The following NTSR1 variants were observed in gnomAD, a reference collection of about 807,000 sequenced individuals.
The protein encoded by NTSR1 is neurotensin receptor type 1.
A neutral mutation model predicts 31.2 loss-of-function variants in NTSR1; 29 were observed. The observed-to-expected ratio is 0.93, with a 90% CI of 0.69 to 1.27. The LOEUF (loss-of-function observed/expected upper bound fraction) is 1.27, where lower values mean the gene tolerates loss of function less well. NTSR1 is among the 50% of genes most tolerant of loss of function. NTSR1 has a pLI of 0.00. For missense variants in NTSR1, 697 were observed against 595.4 expected (o/e 1.17, Z -1.78); for synonymous variants, 282 against 269.9 (o/e 1.04, Z -0.44).
chr20:62,732,118 T>G lies in NTSR1; in HGVS notation c.714+22197T>G, dbSNP rs1457351988. ...CTGGGCGACAGAGTGAGACTCCATT[T>G]CAAAAAAAAAAAAAAAATTACACTG... On this transcript the variant is annotated intron_variant, in intron 1 of 3. Coordinates refer to ENST00000370501, the MANE Select transcript of NTSR1 (RefSeq NM_002531.3). This position sits in a 1 kb window ranked among gnomAD's most constrained non-coding sequence, Gnocchi z 4.0. 3.2e-5 allele frequency among the ~76,000 whole-genome samples: 1 copy of G among 31,018 alleles called. No individual in the cohort carries two copies. Among genetic ancestry groups the G allele is most frequent in the African/African-American group, 8.6e-5 (1 of 11,642 alleles). The allele number at this position is 31,018 out of a possible 152,430, so 20.3% of individuals were successfully genotyped here.
chr20:62,721,206 C>CTTTTAACTTTCAT (rs1249153562), intron 1 of NTSR1, among the ~76,000 whole-genome samples: 15 of 152,132 alleles, frequency 9.9e-5, no homozygotes, highest in African/African-American at 3.6e-4. Flanking sequence ...TTCTTTTTGT[C>CTTTTAACTTTCAT]TTTTAAGAAC....
chr20:62,758,144 T>C lies in NTSR1; in HGVS notation c.917-122T>C. 2.0e-6 allele frequency: 2 copies of C among 1,009,930 alleles called. No individual in the cohort carries two copies. Among genetic ancestry groups the C allele is most frequent in the Non-Finnish European group, 1.5e-6 (1 of 662,758 alleles). 62.6% of individuals were successfully genotyped at this position (1,009,930 alleles called of 1,614,324 possible). A position where few individuals can be genotyped will look rare whatever the true frequency, so the allele number is the denominator to read the frequency against. On this transcript the variant is annotated intron_variant, in intron 2 of 3. Coordinates refer to ENST00000370501, the MANE Select transcript of NTSR1 (RefSeq NM_002531.3). The surrounding 1 kb of genome is among the most constrained non-coding windows in gnomAD (Gnocchi z 4.5). ...GTGGGTCTCTGAGCCCACGTCTCTG[T>C]GCCTCAGGTGCAGTGGGTCTCTGAG...
intron 1 of NTSR1, among the ~76,000 whole-genome samples, chr20:62,734,684 G>C (rs1225822745): frequency 1.3e-5 from 2 of 152,192 alleles, no homozygotes; most frequent in Non-Finnish European, 2.9e-5. Flanking sequence ...AGACATGGCT[G>C]GTCTGAGTGA....
chr20:62,709,879 C>T lies in NTSR1; in HGVS notation c.672C>T (p.Cys224=), dbSNP rs1197246057. The change falls in exon 1 of 4, where the codon TGC becomes TGT. Residue 224 remains cysteine, a synonymous_variant. Transcript: ENST00000370501. ...GCCAGCACGCCGGCGGCCTGGTGTG[C>T]ACCCCCACCATCCACACTGCCACCG... ...ADGQHAGGLV[C]TPTIHTATVK... 2 of 1,603,554 alleles carry T rather than the reference C, an allele frequency of 1.2e-6. No homozygotes were observed. The highest frequency in any genetic ancestry group is 1.1e-5 in the South Asian group (1 of 90,658).
chr20:62,740,993 A>C (rs769141810), intron 1 of NTSR1, among the ~76,000 whole-genome samples: 1 of 152,090 alleles, frequency 6.6e-6, no homozygotes, highest in Non-Finnish European at 1.5e-5. Context: ...AATGGGGCAC[A>C]CTGGGGTTCT....
intron 1 of NTSR1, among the ~76,000 whole-genome samples, chr20:62,727,947 C>T (rs1988937276): frequency 6.6e-6 from 1 of 152,256 alleles, no homozygotes; most frequent in South Asian, 2.1e-4. Context: ...ACTCACTCAC[C>T]TCCTGTCACA....
Position 62,743,527 on chromosome 20 carries a change from C to T in NTSR1, c.715-11158C>T, listed in dbSNP as rs1365178744. Among the ~76,000 whole-genome samples, 2 of 152,154 alleles carry T rather than the reference C, an allele frequency of 1.3e-5. No individual in the cohort carries two copies. The highest frequency in any genetic ancestry group is 2.9e-5 in the Non-Finnish European group (2 of 68,026). On this transcript the variant is annotated intron_variant, in intron 1 of 3. Coordinates refer to ENST00000370501, the MANE Select transcript of NTSR1 (RefSeq NM_002531.3). This position sits in a 1 kb window ranked among gnomAD's most constrained non-coding sequence, Gnocchi z 7.5. Reference sequence around the variant, plus strand: ...GCTGGTCATCTGCTCAGGGAGAGGGCGATCCCCTGCCAGCCCAGCAAGGCC... The same window carrying T: ...GCTGGTCATCTGCTCAGGGAGAGGGTGATCCCCTGCCAGCCCAGCAAGGCC...
At chr20:62,729,035 G>A (rs1988958679) in intron 1 of NTSR1, among the ~76,000 whole-genome samples, 1 of 152,224 alleles carries the variant, frequency 6.6e-6, no homozygotes, top group African/African-American at 2.4e-5. Flanking sequence ...TGGATGTCCA[G>A]TCCTCGGTCT....
At position 62,742,893 on chromosome 20, in the gene NTSR1, G is replaced by A. The variant is rs1989229150; in HGVS notation, c.715-11792G>A. 6.7e-6 allele frequency among the ~76,000 whole-genome samples: 1 copy of A among 149,676 alleles called. No homozygotes were observed. The highest frequency in any genetic ancestry group is 1.5e-5 in the Non-Finnish European group (1 of 68,024). ...GTGAGGTGGTCACAGTGGCTCTGGT[G>A]TGGCCGTGGGGTTCCTGTTCATCCC... On this transcript the variant is annotated intron_variant, in intron 1 of 3. Transcript: ENST00000370501. This position sits in a 1 kb window ranked among gnomAD's most constrained non-coding sequence, Gnocchi z 7.1.
At chr20:62,731,421 A>G (rs1221118656) in intron 1 of NTSR1, among the ~76,000 whole-genome samples, 2 of 151,830 alleles carry the variant, frequency 1.3e-5, no homozygotes, top group Non-Finnish European at 2.9e-5. Flanking sequence ...CAGCTTATTC[A>G]TTTTTTTTGT....
chr20:62,709,372 C>T lies in NTSR1; in HGVS notation c.165C>T (p.Asp55=). Residue 55 remains aspartate, a synonymous_variant, in exon 1 of 4, where the codon GAC becomes GAT. Coordinates refer to ENST00000370501, the MANE Select transcript of NTSR1 (RefSeq NM_002531.3). The part of the protein sequence containing the change: ...RVLAAPSSEL[D]VNTDIYSKVL... The stretch of plus-strand genomic sequence containing the variant: ...TGGCGGCACCCAGCAGCGAGCTGGA[C>T]GTGAACACCGACATCTACTCCAAGG... 6.2e-7 allele frequency: 1 copy of T among 1,608,878 alleles called. No homozygotes were observed. Among genetic ancestry groups the T allele is most frequent in the Non-Finnish European group, 8.5e-7 (1 of 1,177,366 alleles).
At chr20:62,737,564 GC>G (rs2147140975) in intron 1 of NTSR1, among the ~76,000 whole-genome samples, 1 of 152,246 alleles carries the variant, frequency 6.6e-6, no homozygotes, top group African/African-American at 2.4e-5. Flanking sequence ...ACTTAAACGA[GC>G]CCTCTGTGGC....
At chr20:62,723,285 C>T (rs1390743324) in intron 1 of NTSR1, among the ~76,000 whole-genome samples, 1 of 152,216 alleles carries the variant, frequency 6.6e-6, no homozygotes, top group Non-Finnish European at 1.5e-5. Context: ...TAACTGCTCA[C>T]AACAGCCGTG....
Position 62,743,471 on chromosome 20 carries a change from A to G in NTSR1, c.715-11214A>G, listed in dbSNP as rs16983209. ...CTGGAGTCTGTCTGGGAGGTTAGAAAAGACCGTCCGTGAGCCTGGGCCCTG... is the reference window on the plus strand; with the variant it reads ...CTGGAGTCTGTCTGGGAGGTTAGAAGAGACCGTCCGTGAGCCTGGGCCCTG... On this transcript the variant is annotated intron_variant, in intron 1 of 3. Transcript: ENST00000370501. This position sits in a 1 kb window ranked among gnomAD's most constrained non-coding sequence, Gnocchi z 7.5. Among the ~76,000 whole-genome samples, 21,742 of 151,938 alleles carry G rather than the reference A, an allele frequency of 0.14. 3,240 individuals carry two copies. Among genetic ancestry groups the G allele is most frequent in the African/African-American group, 0.36 (14,801 of 41,348 alleles).
Position 62,741,003 on chromosome 20 carries a change from T to C in NTSR1, c.715-13682T>C, listed in dbSNP as rs532576413. 2.1e-3 allele frequency among the ~76,000 whole-genome samples: 318 copies of C among 152,142 alleles called. 1 individual carries two copies. The highest frequency in any genetic ancestry group is 3.3e-3 in the Non-Finnish European group (227 of 67,958). On this transcript the variant is annotated intron_variant, in intron 1 of 3. Transcript: ENST00000370501. This position sits in a 1 kb window ranked among gnomAD's most constrained non-coding sequence, Gnocchi z 4.3. ...TGACTAATGGGGCACACTGGGGTTCTGGGCCCCGGCCAGGCTCAGCGAGGG... is the reference window on the plus strand; with the variant it reads ...TGACTAATGGGGCACACTGGGGTTCCGGGCCCCGGCCAGGCTCAGCGAGGG...
chr20:62,760,321 CGACA>C lies in NTSR1; in HGVS notation c.*61_*64del. On this transcript the variant is annotated 3_prime_UTR_variant, in exon 4 of 4. Coordinates refer to ENST00000370501, the MANE Select transcript of NTSR1 (RefSeq NM_002531.3). ...GAGCCTGGCCATGGGTCCTTGCCCC[CGACA>C]GACAGAGCAGCCCCCACCCGGGAGC... 6 of 1,548,968 alleles carry C rather than the reference CGACA, an allele frequency of 3.9e-6. No homozygotes were observed. The highest frequency in any genetic ancestry group is 2.4e-5 in the South Asian group (2 of 82,480).
chr20:62,740,874 G>A (rs1324075349), intron 1 of NTSR1, among the ~76,000 whole-genome samples: 3 of 152,206 alleles, frequency 2.0e-5, no homozygotes, highest in Non-Finnish European at 4.4e-5. Context: ...CCTGCAGCCC[G>A]CAGCCTCAAC....
chr20:62,709,898 GC>G lies in NTSR1; in HGVS notation c.693del (p.Thr232ProfsTer24), dbSNP rs759803456. 6.3e-7 allele frequency: 1 copy of G among 1,597,534 alleles called. No homozygotes were observed. The highest frequency in any genetic ancestry group is 8.6e-7 in the Non-Finnish European group (1 of 1,169,100). On this transcript the variant is annotated frameshift_variant, in exon 1 of 4. Coordinates refer to ENST00000370501, the MANE Select transcript of NTSR1 (RefSeq NM_002531.3). LOFTEE classifies it high-confidence loss of function. ...GLVCTPTIHT[A>X]TVKVVIQVNT... The stretch of plus-strand genomic sequence containing the variant: ...GGTGTGCACCCCCACCATCCACACT[GC>G]CACCGTCAAGGTCGTCATACAGGTG...
chr20:62,718,586 C>G (rs1044147574), intron 1 of NTSR1, among the ~76,000 whole-genome samples: 12 of 151,510 alleles, frequency 7.9e-5, no homozygotes, highest in African/African-American at 2.7e-4. Context: ...TCTCCTCCCC[C>G]ACAGCTTTGC....
Sources: gnomAD v4.1 joint callset for allele counts (sites outside exome capture counted in the v4.1 genomes callset) on GRCh38, gnomAD v4.1.1 for gene constraint, Gnocchi (gnomAD v3.1) non-coding constraint, MANE v1.5 for transcripts, NCBI Gene and HGNC (gene_info 2026-07-23, HGNC 2026-07-21) for gene names.